DOCK8: variants seen among roughly 807,000 people sequenced by gnomAD.
DOCK8 encodes the protein dedicator of cytokinesis 8.
Under a neutral mutation model 245.6 loss-of-function variants are expected in DOCK8, and 141 were observed. The ratio of observed to expected loss-of-function variants is 0.57; its 90% CI spans 0.50 to 0.66. The LOEUF (loss-of-function observed/expected upper bound fraction) is 0.66, where lower values mean the gene tolerates loss of function less well. DOCK8 is among the 30% of genes least tolerant of loss of function. DOCK8 has a pLI of 0.00. For missense variants in DOCK8, 2,965 were observed against 2,603.4 expected (o/e 1.14, Z -3.02); for synonymous variants, 1,168 against 970.2 (o/e 1.20, Z -3.79).
chr9:246,007 C>T (rs1300322943), intron 1 of DOCK8, among the ~76,000 whole-genome samples: 1 of 152,104 alleles, frequency 6.6e-6, no homozygotes, highest in East Asian at 1.9e-4. Context: ...ATTGCCTGAG[C>T]TCAGGAGTTC....
rs10119085 is a variant in DOCK8, at chr9:245,032, G to T, written c.54-26595G>T. 5.8e-3 allele frequency among the ~76,000 whole-genome samples: 883 copies of T among 152,166 alleles called. 5 individuals carry two copies. The highest frequency in any genetic ancestry group is 0.02 in the African/African-American group (821 of 41,500). Reference sequence around the variant, plus strand: ...GCCACTTGTTTTTCCCACATCAGGAGAGTTTATCATCTGTGCTCATCCACC... The same window carrying T: ...GCCACTTGTTTTTCCCACATCAGGATAGTTTATCATCTGTGCTCATCCACC... On this transcript the variant is annotated intron_variant, in intron 1 of 47. Coordinates refer to ENST00000432829, the MANE Select transcript of DOCK8 (RefSeq NM_203447.4).
chr9:451,886 TA>T (rs2057451944), intron 45 of DOCK8, 124 bp from the exon 46 acceptor site: 11 of 220,270 alleles, frequency 5.0e-5, no homozygotes, highest in Non-Finnish European at 8.8e-5. Context: ...TATATATACA[TA>T]TATATGCATA....
chr9:339,062 A>G lies in DOCK8; in HGVS notation c.1479A>G (p.Arg493=). 6.2e-7 allele frequency: 1 copy of G among 1,614,116 alleles called. No individual in the cohort carries two copies. The change falls in exon 13 of 48, where the codon AGA becomes AGG. Residue 493 remains arginine, a synonymous_variant. Transcript: ENST00000432829. ...TCAAGTTTTTAGCTGACTACAAAAGATCATCATCCTTACAGAGACGAGTCA... is the reference window on the plus strand; with the variant it reads ...TCAAGTTTTTAGCTGACTACAAAAGGTCATCATCCTTACAGAGACGAGTCA... ...DLFKFLADYK[R]SSSLQRRVKS... is the part of the protein sequence containing the mutation.
chr9:385,530 T>G (rs906685241), intron 22 of DOCK8, among the ~76,000 whole-genome samples: 3 of 152,378 alleles, frequency 2.0e-5, no homozygotes, highest in Non-Finnish European at 4.4e-5. Flanking sequence ...TCTTTACGTT[T>G]ACTGTGTCTG....
chr9:311,854 G>C, intron 5 of DOCK8, 100 bp from the exon 6 acceptor site: 1 of 1,435,066 alleles, frequency 7.0e-7, no homozygotes, highest in South Asian at 1.1e-5. Context: ...CTGAGATTCT[G>C]TAGTCCCAAA....
intron 26 of DOCK8, 67 bp downstream of exon 26, chr9:399,326 C>A: frequency 9.1e-7 from 1 of 1,094,966 alleles, no homozygotes; most frequent in Non-Finnish European, 1.3e-6. Flanking sequence ...ATGTGATGTT[C>A]GTTGCCATGG....
At chr9:227,339 T>G (rs893194617) in intron 1 of DOCK8, among the ~76,000 whole-genome samples, 1 of 152,248 alleles carries the variant, frequency 6.6e-6, no homozygotes, top group Non-Finnish European at 1.5e-5. Flanking sequence ...TGTAGTAGAC[T>G]GTACCTTTAC....
intron 6 of DOCK8, chr9:313,087 A>G (rs556205473): frequency 2.4e-4 from 36 of 152,566 alleles, no homozygotes; most frequent in African/African-American, 8.2e-4. Context: ...CCTGCCCTTC[A>G]GTGAGCTCAC....
At chr9:388,340 C>G (rs919047788) in intron 23 of DOCK8, among the ~76,000 whole-genome samples, 1 of 152,176 alleles carries the variant, frequency 6.6e-6, no homozygotes, top group African/African-American at 2.4e-5. Context: ...ACTAACCTCA[C>G]AAAACGAAGT....
intron 7 of DOCK8, 82 bp downstream of exon 7, chr9:317,210 T>G (rs2050384958): frequency 8.5e-7 from 1 of 1,182,836 alleles, no homozygotes. Context: ...TTATCAGAGC[T>G]TGAATCAAAG....
At chr9:362,624 GGCTGACCTAGAAGCTCA>G (rs2052784220) in intron 14 of DOCK8, among the ~76,000 whole-genome samples, 2 of 152,138 alleles carry the variant, frequency 1.3e-5, no homozygotes, top group South Asian at 4.1e-4. Flanking sequence ...CTCTCCTGCT[GGCTGACCTAGAAGCTCA>G]GCTAAAGAGG....
intron 7 of DOCK8, among the ~76,000 whole-genome samples, 187 bp downstream of exon 7, chr9:317,315 T>C (rs901514395): frequency 6.6e-5 from 10 of 152,188 alleles, no homozygotes; most frequent in African/African-American, 2.4e-4. Context: ...TACCAACTTC[T>C]TGATGGTCAT....
rs563790317 is a variant in DOCK8, at chr9:303,989, C to G, written c.405-592C>G. On this transcript the variant is annotated intron_variant, in intron 4 of 47. Coordinates refer to ENST00000432829, the MANE Select transcript of DOCK8 (RefSeq NM_203447.4). ...TTTTACCTTTCTTATGATGGTCTGT[C>G]TCATTTCTTCAGTGACAGGGCTAGA... Among the ~76,000 whole-genome samples, 10 of 152,292 alleles carry G rather than the reference C, an allele frequency of 6.6e-5. No individual in the cohort carries two copies. The South Asian group carries it at 2.1e-3, about 32-fold the overall frequency.
At chr9:349,883 C>A (rs946611483) in intron 14 of DOCK8, among the ~76,000 whole-genome samples, 3 of 152,150 alleles carry the variant, frequency 2.0e-5, no homozygotes, top group Non-Finnish European at 4.4e-5. Context: ...GATGAATTTG[C>A]TTCTCAGAGT....
At chr9:311,845 T>C (rs2050127884) in intron 5 of DOCK8, 109 bp from the exon 6 acceptor site, 2 of 1,363,338 alleles carry the variant, frequency 1.5e-6, no homozygotes, top group Admixed American at 1.7e-5. Context: ...GAGGCCTGGC[T>C]GAGATTCTGT....
Position 407,309 on chromosome 9 carries a change from A to G in DOCK8, c.3530+240A>G, listed in dbSNP as rs973770821. Among the ~76,000 whole-genome samples, 8 of 152,212 alleles carry G rather than the reference A, an allele frequency of 5.3e-5. No homozygotes were observed. In the South Asian group the frequency reaches 8.3e-4, roughly 16 times the overall value. On this transcript the variant is annotated intron_variant, in intron 28 of 47. Coordinates refer to ENST00000432829, the MANE Select transcript of DOCK8 (RefSeq NM_203447.4). ...ACTACAAAATGACTTTTCTTGGTCAACTATTTCAGTGGAATTTACCAGTTC... is the reference window on the plus strand; with the variant it reads ...ACTACAAAATGACTTTTCTTGGTCAGCTATTTCAGTGGAATTTACCAGTTC...
chr9:427,979 A>G (rs1338341856), intron 34 of DOCK8, among the ~76,000 whole-genome samples: 2 of 152,230 alleles, frequency 1.3e-5, no homozygotes, highest in African/African-American at 4.8e-5. Context: ...CTATTTAGAA[A>G]CATTGCTGCC....
chr9:329,959 C>A (rs145965624), intron 9 of DOCK8, among the ~76,000 whole-genome samples: 2 of 152,306 alleles, frequency 1.3e-5, no homozygotes, highest in Non-Finnish European at 2.9e-5. Flanking sequence ...TTTTCTTTAT[C>A]GTAATGCCAT....
At chr9:261,733 C>A (rs1462564761) in intron 1 of DOCK8, among the ~76,000 whole-genome samples, 3 of 152,046 alleles carry the variant, frequency 2.0e-5, no homozygotes, top group African/African-American at 7.2e-5. Context: ...TATTTTTCCT[C>A]TACTTTTGCA....
Sources: gnomAD v4.1 joint callset for allele counts (sites outside exome capture counted in the v4.1 genomes callset) on GRCh38, gnomAD v4.1.1 for gene constraint, MANE v1.5 for transcripts, NCBI Gene and HGNC (gene_info 2026-07-23, HGNC 2026-07-21) for gene names.